ANO10: variants seen among roughly 807,000 people sequenced by gnomAD.
ANO10 encodes anoctamin-10.
ANO10 carries 77 observed loss-of-function variants against 74.7 expected under a neutral mutation model. The observed-to-expected ratio is 1.03, with a 90% CI of 0.86 to 1.25. The LOEUF (loss-of-function observed/expected upper bound fraction) is 1.25, where lower values mean the gene tolerates loss of function less well. Among genes scored for constraint, ANO10 ranks in the 50% most tolerant of loss-of-function variants. The pLI, the probability that ANO10 is intolerant of heterozygous loss-of-function variation, is 0.00. For missense variants in ANO10, 721 were observed against 778.1 expected (o/e 0.93, Z 0.87); for synonymous variants, 279 against 284.9 (o/e 0.98, Z 0.21).
intron 9 of ANO10, 31 bp from the exon 10 acceptor site, chr3:43,555,500 AAT>A: frequency 6.3e-7 from 1 of 1,592,030 alleles, no homozygotes; most frequent in Non-Finnish European, 8.6e-7. Context: ...GCATTATTTT[AAT>A]ATCATACAAT....
chr3:43,522,709 G>A (rs562392554), intron 11 of ANO10, among the ~76,000 whole-genome samples: 3 of 152,130 alleles, frequency 2.0e-5, no homozygotes, highest in Non-Finnish European at 2.9e-5. Flanking sequence ...GGTAGTTCAC[G>A]TACCCTCTAA....
At chr3:43,376,954 C>T (rs553943120) in intron 12 of ANO10, among the ~76,000 whole-genome samples, 121 of 152,362 alleles carry the variant, frequency 7.9e-4, no homozygotes, top group African/African-American at 2.8e-3. Context: ...GATACTGACA[C>T]ATTCAGTGAT....
At chr3:43,550,422 C>T (rs1463249119) in intron 10 of ANO10, among the ~76,000 whole-genome samples, 2 of 152,118 alleles carry the variant, frequency 1.3e-5, no homozygotes, top group Non-Finnish European at 2.9e-5. Flanking sequence ...CCAGCATTCC[C>T]TGAAGGAGAC....
At chr3:43,578,722 C>A (rs1328166119) in intron 5 of ANO10, among the ~76,000 whole-genome samples, 9 of 118,868 alleles carry the variant, frequency 7.6e-5, no homozygotes. Context: ...TGCACTCCGG[C>A]ATGGGCCACA....
chr3:43,436,272 C>A (rs2093065526), intron 11 of ANO10, among the ~76,000 whole-genome samples: 1 of 151,898 alleles, frequency 6.6e-6, no homozygotes. Context: ...ATCATTTTTT[C>A]TTGTTTAAAT....
rs376240935 is a variant in ANO10 at position 43,555,207 on chromosome 3, AT to A, written c.1668+70del. On this transcript the variant is annotated intron_variant, in intron 10 of 12. Transcript: ENST00000292246. ...ATCTCTCTGTAGGGCTTACTTTTTA[AT>A]TTTTTTTCCCTGTCATAACACCTCG... is the stretch of plus-strand genomic sequence containing the variant. 6.2e-4 allele frequency: 930 copies of A among 1,510,602 alleles called. 13 individuals carry two copies. In the East Asian group the frequency reaches 0.014, roughly 23 times the overall value. The allele number at this position is 1,510,602 out of a possible 1,614,324, so 93.6% of individuals were successfully genotyped here.
intron 11 of ANO10, among the ~76,000 whole-genome samples, chr3:43,451,886 T>C (rs1250761492): frequency 6.6e-6 from 1 of 152,208 alleles, no homozygotes; most frequent in Non-Finnish European, 1.5e-5. Flanking sequence ...GATATCTATC[T>C]AGTCACAGTG....
At chr3:43,574,920 T>A in intron 6 of ANO10, 56 bp from the exon 7 acceptor site, 1 of 1,457,020 alleles carries the variant, frequency 6.9e-7, no homozygotes, top group Non-Finnish European at 9.6e-7. Flanking sequence ...ACGAAAGCAC[T>A]GTTATGAGGT....
chr3:43,688,172 C>CT (rs1432407598), intron 1 of ANO10, among the ~76,000 whole-genome samples: 1 of 152,048 alleles, frequency 6.6e-6, no homozygotes, highest in Non-Finnish European at 1.5e-5. Flanking sequence ...TCTTTCTTTT[C>CT]TTTTTTTGTG....
At chr3:43,456,744 G>A (rs1182019558) in intron 11 of ANO10, among the ~76,000 whole-genome samples, 2 of 152,222 alleles carry the variant, frequency 1.3e-5, no homozygotes, top group African/African-American at 4.8e-5. Flanking sequence ...GGTCACAGAT[G>A]CAGGAATTAA....
At chr3:43,562,407 G>A (rs550716363) in intron 8 of ANO10, among the ~76,000 whole-genome samples, 34 of 135,376 alleles carry the variant, frequency 2.5e-4, no homozygotes, top group Middle Eastern at 4.3e-3. Context: ...AGCCAAGATC[G>A]CGCCACTGCA....
chr3:43,604,578 A>G (rs1173805684), intron 2 of ANO10, among the ~76,000 whole-genome samples: 1 of 151,924 alleles, frequency 6.6e-6, no homozygotes, highest in Non-Finnish European at 1.5e-5. Flanking sequence ...TGTCAATTTA[A>G]CAGGAGGTTG....
chr3:43,383,170 A>G (rs2092016746), intron 12 of ANO10, among the ~76,000 whole-genome samples: 1 of 152,144 alleles, frequency 6.6e-6, no homozygotes, highest in Non-Finnish European at 1.5e-5. Context: ...AAGATAATCC[A>G]TGGCCGGGTG....
intron 4 of ANO10, among the ~76,000 whole-genome samples, chr3:43,591,476 T>A (rs1006807103): frequency 2.6e-5 from 4 of 152,034 alleles, no homozygotes; most frequent in Non-Finnish European, 5.9e-5. Flanking sequence ...TCCGTGAGGC[T>A]CCCCAGGTCA....
intron 11 of ANO10, among the ~76,000 whole-genome samples, chr3:43,547,024 G>A (rs537493946): frequency 5.3e-5 from 8 of 151,826 alleles, no homozygotes; most frequent in African/African-American, 1.7e-4. Flanking sequence ...AAAGATACAG[G>A]GAAAAAAATC....
intron 1 of ANO10, among the ~76,000 whole-genome samples, chr3:43,661,284 GA>G (rs1425531980): frequency 6.6e-6 from 1 of 152,118 alleles, no homozygotes; most frequent in Non-Finnish European, 1.5e-5. Flanking sequence ...TTCAACCCAG[GA>G]TTTCATATCC....
chr3:43,650,503 C>T (rs1350764562), intron 1 of ANO10, among the ~76,000 whole-genome samples: 1 of 152,004 alleles, frequency 6.6e-6, no homozygotes, highest in African/African-American at 2.4e-5. Flanking sequence ...CATGCAGTAA[C>T]CTGATTTTTT....
intron 11 of ANO10, among the ~76,000 whole-genome samples, chr3:43,505,655 T>C (rs183144757): frequency 6.6e-5 from 10 of 152,356 alleles, no homozygotes; most frequent in Admixed American, 5.2e-4. Context: ...CATTTTGTGA[T>C]AGATATTCCA....
intron 1 of ANO10, among the ~76,000 whole-genome samples, chr3:43,660,640 T>C (rs1459627132): frequency 6.6e-6 from 1 of 152,118 alleles, no homozygotes; most frequent in Non-Finnish European, 1.5e-5. Flanking sequence ...CTGAAAGTGT[T>C]AGGGAGAACG....
Sources: allele counts gnomAD v4.1 joint callset (sites outside exome capture counted in the v4.1 genomes callset), GRCh38; gene constraint gnomAD v4.1.1; transcripts MANE v1.5; gene names NCBI Gene and HGNC (gene_info 2026-07-23, HGNC 2026-07-21).